Variants in TAFA1 observed in about 807,000 individuals in gnomAD.
TAFA1 encodes the protein chemokine-like protein TAFA-1.
Under a neutral mutation model 18.5 loss-of-function variants are expected in TAFA1, and 4 were observed. That is an observed-to-expected ratio of 0.22 (90% CI 0.11 to 0.49). TAFA1 has a LOEUF of 0.49. Among genes scored for constraint, TAFA1 ranks in the 20% least tolerant of loss-of-function variants. The pLI is 0.98. For missense variants in TAFA1, 147 were observed against 169.0 expected (o/e 0.87, Z 0.72); for synonymous variants, 56 against 55.2 (o/e 1.01, Z -0.06).
chr3:68,428,320 G>C (rs1349199957), intron 3 of TAFA1, among the ~76,000 whole-genome samples: 1 of 151,844 alleles, frequency 6.6e-6, no homozygotes, highest in Non-Finnish European at 1.5e-5. Context: ...CACTGTACTT[G>C]ACAGCTCACT....
intron 2 of TAFA1, among the ~76,000 whole-genome samples, chr3:68,267,051 C>T (rs534338741): frequency 6.6e-6 from 1 of 152,192 alleles, no homozygotes; most frequent in South Asian, 2.1e-4. Flanking sequence ...GCAAATAATC[C>T]TCCTCCCTAG....
At chr3:68,247,771 C>A (rs2067112175) in intron 2 of TAFA1, 1 of 152,036 alleles carries the variant, frequency 6.6e-6, no homozygotes, top group African/African-American at 2.4e-5. Flanking sequence ...TGTGAAGGAG[C>A]AAGTCTCTCA....
At chr3:68,403,393 GAT>G (rs2070534991) in intron 2 of TAFA1, among the ~76,000 whole-genome samples, 1 of 152,180 alleles carries the variant, frequency 6.6e-6, no homozygotes, top group South Asian at 2.1e-4. Context: ...AGCCCCTTGT[GAT>G]TTATCAGTGT....
intron 2 of TAFA1, among the ~76,000 whole-genome samples, chr3:68,284,804 A>G (rs1311818544): frequency 6.6e-6 from 1 of 152,168 alleles, no homozygotes; most frequent in Non-Finnish European, 1.5e-5. Flanking sequence ...ATATGTCTCT[A>G]GTATGCTACT....
intron 3 of TAFA1, among the ~76,000 whole-genome samples, chr3:68,480,351 C>A (rs998926649): frequency 6.6e-6 from 1 of 151,878 alleles, no homozygotes; most frequent in Admixed American, 6.6e-5. Flanking sequence ...TGCAGTGAGG[C>A]AAGATCGTGC....
intron 2 of TAFA1, among the ~76,000 whole-genome samples, chr3:68,241,681 C>CT (rs2067002695): frequency 6.6e-6 from 1 of 152,050 alleles, no homozygotes; most frequent in African/African-American, 2.4e-5. Context: ...GACAAATGAC[C>CT]CAGCTTTTCC....
chr3:68,181,545 T>C (rs1381913466), intron 2 of TAFA1, among the ~76,000 whole-genome samples: 1 of 152,226 alleles, frequency 6.6e-6, no homozygotes, highest in South Asian at 2.1e-4. Context: ...GAGACTGTTA[T>C]ACTGATAATG....
intron 2 of TAFA1, among the ~76,000 whole-genome samples, chr3:68,315,564 T>C (rs192708060): frequency 6.2e-4 from 94 of 152,312 alleles, no homozygotes; most frequent in Admixed American, 1.2e-3. Flanking sequence ...AAAATGTCAC[T>C]AAAGTTCCTT....
At chr3:68,190,950 C>A (rs1439611919) in intron 2 of TAFA1, among the ~76,000 whole-genome samples, 1 of 151,746 alleles carries the variant, frequency 6.6e-6, no homozygotes, top group Non-Finnish European at 1.5e-5. Context: ...ACATTGATTT[C>A]CTAGTCATTT....
intron 3 of TAFA1, among the ~76,000 whole-genome samples, chr3:68,470,848 G>T (rs1448810687): frequency 6.6e-6 from 1 of 152,324 alleles, no homozygotes; most frequent in Middle Eastern, 3.4e-3. Context: ...ATTTGCATAA[G>T]TAACAAGGAG....
intron 2 of TAFA1, among the ~76,000 whole-genome samples, chr3:68,125,648 T>TA (rs2065455168): frequency 6.6e-6 from 1 of 152,158 alleles, no homozygotes; most frequent in African/African-American, 2.4e-5. Flanking sequence ...AAATTCTTGT[T>TA]AAAAGAATTT....
At chr3:68,376,616 A>G (rs892224775) in intron 2 of TAFA1, among the ~76,000 whole-genome samples, 1 of 152,174 alleles carries the variant, frequency 6.6e-6, no homozygotes, top group African/African-American at 2.4e-5. Flanking sequence ...GTAGTATTCC[A>G]TGGGGTATAT....
intron 2 of TAFA1, among the ~76,000 whole-genome samples, chr3:68,196,842 C>G (rs111907262): frequency 1.3e-5 from 2 of 151,750 alleles, no homozygotes; most frequent in African/African-American, 4.8e-5. Context: ...CATTTACCAA[C>G]AACTGAACTA....
intron 2 of TAFA1, among the ~76,000 whole-genome samples, chr3:68,039,231 G>A (rs777534262): frequency 1.8e-4 from 27 of 152,092 alleles, no homozygotes; most frequent in Admixed American, 1.0e-3. Flanking sequence ...TTTAAAAAAT[G>A]TTTTTCTCCA....
At chr3:68,470,706 A>C (rs192203274) in intron 3 of TAFA1, among the ~76,000 whole-genome samples, 2 of 152,316 alleles carry the variant, frequency 1.3e-5, no homozygotes, top group African/African-American at 4.8e-5. Context: ...TGCATTCAAG[A>C]GGTGATTTAG....
chr3:68,006,883 T>C, intron 2 of TAFA1, 139 bp downstream of exon 2: 2 of 648,824 alleles, frequency 3.1e-6, no homozygotes, highest in Non-Finnish European at 5.5e-6. Context: ...GTTGGCTGGA[T>C]GCTTTGGGGG....
At chr3:68,037,473 G>C (rs1158572925) in intron 2 of TAFA1, among the ~76,000 whole-genome samples, 1 of 152,014 alleles carries the variant, frequency 6.6e-6, no homozygotes, top group East Asian at 1.9e-4. Flanking sequence ...TTACCTTCTT[G>C]TTGCTGCTTT....
At chr3:68,063,552 A>T (rs2064634436) in intron 2 of TAFA1, among the ~76,000 whole-genome samples, 1 of 152,202 alleles carries the variant, frequency 6.6e-6, no homozygotes. Flanking sequence ...GATTAAAAAT[A>T]TCTTTCTAGA....
chr3:68,336,027 A>C (rs373532895), intron 2 of TAFA1, among the ~76,000 whole-genome samples: 6 of 152,298 alleles, frequency 3.9e-5, no homozygotes, highest in East Asian at 3.9e-4. Flanking sequence ...CGAGCCTTGG[A>C]GCCTGGCAAA....
Sources: allele counts gnomAD v4.1 joint callset (sites outside exome capture counted in the v4.1 genomes callset), GRCh38; gene constraint gnomAD v4.1.1; transcripts MANE v1.5; gene names NCBI Gene and HGNC (gene_info 2026-07-23, HGNC 2026-07-21).